Variants in GFOD2 observed in about 807,000 individuals in gnomAD.
GFOD2 encodes the protein Gfo/Idh/MocA-like oxidoreductase domain containing 2, also known as glucose-fructose oxidoreductase domain-containing protein 2.
A neutral mutation model predicts 24.6 loss-of-function variants in GFOD2; 9 were observed. The observed-to-expected ratio is 0.37, with a 90% CI of 0.22 to 0.64. The LOEUF is 0.64. Ranked by LOEUF, GFOD2 falls within the 30% of genes least tolerant of loss-of-function variation. The pLI is 0.65. For missense variants in GFOD2, 476 were observed against 532.5 expected, an observed-to-expected ratio of 0.89 and a Z score of 1.04; for synonymous variants, 211 against 224.8, an observed-to-expected ratio of 0.94 and a Z score of 0.55.
Position 67,675,889 on chromosome 16 carries a change from CAT to C in GFOD2, c.422_423del (p.Tyr141CysfsTer8), listed in dbSNP as rs762120591. ...VRMKQLISEHYVGAVMICDAR... is the reference protein window; with the variant it reads ...VRMKQLISEHXVGAVMICDAR... ...GCATCACAGATCATCACCGCTCCCA[CAT>C]AGTGTTCCGAAATCAGCTGTTTCAT... is the stretch of plus-strand genomic sequence containing the variant. On this transcript the variant is annotated frameshift_variant, in exon 3 of 3. Transcript: ENST00000268797. LOFTEE classifies it high-confidence loss of function. 11 of 1,614,078 alleles carry C rather than the reference CAT, an allele frequency of 6.8e-6. No individual in the cohort carries two copies. The highest frequency in any genetic ancestry group is 2.7e-5 in the African/African-American group (2 of 74,950).
At chr16:67,691,460 G>A (rs997434716) in intron 1 of GFOD2, among the ~76,000 whole-genome samples, 12 of 151,202 alleles carry the variant, frequency 7.9e-5, no homozygotes, top group African/African-American at 2.4e-4. Context: ...TGCCCATCCT[G>A]GCCTCCCAAA....
At chr16:67,695,464 G>T (rs1476223209) in intron 1 of GFOD2, among the ~76,000 whole-genome samples, 1 of 151,602 alleles carries the variant, frequency 6.6e-6, no homozygotes, top group African/African-American at 2.4e-5. Context: ...TTATTTACAG[G>T]TTATGGCTGT....
At chr16:67,694,925 T>C (rs751681803) in intron 1 of GFOD2, among the ~76,000 whole-genome samples, 3 of 151,988 alleles carry the variant, frequency 2.0e-5, no homozygotes, top group Non-Finnish European at 4.4e-5. Flanking sequence ...TTCTTTCTGA[T>C]GGTAAACTGT....
At position 67,674,924 on chromosome 16, in the gene GFOD2, G is replaced by A. The variant is rs1186326278; in HGVS notation, c.*231C>T. ...ATCACCATGAGGAGGCCTGGCGGCA[G>A]CTCTGCCCTGTGCACACCGTGGTAA... On this transcript the variant is annotated 3_prime_UTR_variant, in exon 3 of 3. Transcript: ENST00000268797. The A allele has an allele frequency of 1.3e-5, 7 of 554,830 alleles. No individual in the cohort carries two copies. Among genetic ancestry groups the A allele is most frequent in the Non-Finnish European group, 2.2e-5 (7 of 312,934 alleles). The allele number at this position is 554,830 out of a possible 1,614,324, so 34.4% of individuals were successfully genotyped here.
At chr16:67,676,436 C>A in intron 2 of GFOD2, 1 of 218,956 alleles carries the variant, frequency 4.6e-6, no homozygotes, top group Non-Finnish European at 9.1e-6. Flanking sequence ...TCAAATAAAT[C>A]TCTGTCTTAA....
intron 1 of GFOD2, among the ~76,000 whole-genome samples, chr16:67,686,832 A>G (rs952069486): frequency 1.9e-4 from 29 of 150,672 alleles, no homozygotes; most frequent in African/African-American, 7.1e-4. Flanking sequence ...GTGAGACTCT[A>G]TCCAAAAAAG....
chr16:67,675,131 G>A lies in GFOD2; in HGVS notation c.*24C>T, dbSNP rs202206587. 1.5e-5 allele frequency: 24 copies of A among 1,592,268 alleles called. No homozygotes were observed. Among genetic ancestry groups the A allele is most frequent in the Non-Finnish European group, 2.0e-5 (23 of 1,167,428 alleles). On this transcript the variant is annotated 3_prime_UTR_variant, in exon 3 of 3. Transcript: ENST00000268797. ...TTCCCCTCCCTGGTCCCTCTGCCCT[G>A]TGGCAAGGAGCCCAGGTGCAGGCTC...
At chr16:67,705,681 G>A (rs1003166042) in intron 1 of GFOD2, among the ~76,000 whole-genome samples, 6 of 152,192 alleles carry the variant, frequency 3.9e-5, no homozygotes, top group African/African-American at 1.4e-4. Context: ...GCTCACACCT[G>A]TAATCCCAGC....
intron 1 of GFOD2, among the ~76,000 whole-genome samples, chr16:67,699,279 C>T (rs905085540): frequency 6.6e-6 from 1 of 151,998 alleles, no homozygotes; most frequent in Admixed American, 6.6e-5. Context: ...GAGGCAGAGG[C>T]TGCAGTGAGC....
chr16:67,693,285 GT>G (rs113766618), intron 1 of GFOD2, among the ~76,000 whole-genome samples: 1,557 of 142,898 alleles, frequency 0.011, 44 homozygotes, highest in Admixed American at 0.061. Flanking sequence ...GGCTTTTTGG[GT>G]TTTTTTTTTT....
At chr16:67,683,637 G>A (rs150826795) in intron 2 of GFOD2, 7 of 1,231,708 alleles carry the variant, frequency 5.7e-6, no homozygotes, top group South Asian at 8.2e-5. Context: ...ATTGACAACC[G>A]GACAGACTGA....
chr16:67,692,927 G>C (rs1390886549), intron 1 of GFOD2, among the ~76,000 whole-genome samples: 1 of 151,718 alleles, frequency 6.6e-6, no homozygotes, highest in Non-Finnish European at 1.5e-5. Flanking sequence ...CTACTCGGGA[G>C]GCTGAGGCGG....
rs1340251401 is a variant in GFOD2 at position 67,675,984 on chromosome 16, G to A, written c.329C>T (p.Ser110Leu). 21 of 1,614,060 alleles carry A rather than the reference G, an allele frequency of 1.3e-5. No individual in the cohort carries two copies. The highest frequency in any genetic ancestry group is 1.8e-5 in the Non-Finnish European group (21 of 1,180,044). Reference sequence around the variant, plus strand: ...GCTCATGAGCTGCGGGTAGTAGCGCGAGGCTGTCACCATCCGGAAGGCATC... The same window carrying A: ...GCTCATGAGCTGCGGGTAGTAGCGCAAGGCTGTCACCATCCGGAAGGCATC... ...SVDAFRMVTA[S>L]RYYPQLMSLV... Residue 110 changes from serine (S) to leucine (L), a missense_variant, in exon 3 of 3, where the codon TCG becomes TTG. Coordinates refer to ENST00000268797, the MANE Select transcript of GFOD2 (RefSeq NM_030819.4).
chr16:67,676,171 T>C (rs2053184037), intron 2 of GFOD2, 118 bp from the exon 3 acceptor site: 1 of 1,049,500 alleles, frequency 9.5e-7, no homozygotes, highest in African/African-American at 1.6e-5. Context: ...AATTTTTTTT[T>C]CTTTTTTGTA....
chr16:67,675,432 T>C lies in GFOD2; in HGVS notation c.881A>G (p.Gln294Arg), dbSNP rs745448409. 1.2e-5 allele frequency: 20 copies of C among 1,612,826 alleles called. No homozygotes were observed. Among genetic ancestry groups the C allele is most frequent in the Non-Finnish European group, 1.6e-5 (19 of 1,180,016 alleles). ...SLAVGAGLPE[Q>R]GPQDVPLLYL... ...CAGCAGCGGGACATCCTGGGGCCCC[T>C]GCTCAGGCAGTCCTGCGCCCACTGC... The change falls in exon 3 of 3, where the codon CAG becomes CGG. Residue 294 changes from glutamine (Q) to arginine (R), a missense_variant. Coordinates refer to ENST00000268797, the MANE Select transcript of GFOD2 (RefSeq NM_030819.4).
intron 1 of GFOD2, among the ~76,000 whole-genome samples, chr16:67,702,937 A>T (rs7184978): frequency 0.071 from 10,717 of 151,988 alleles, 556 homozygotes; most frequent in Middle Eastern, 0.19. Flanking sequence ...CACCCACCTC[A>T]CTGTGTGTGA....
At chr16:67,689,834 A>G (rs1439127927) in intron 1 of GFOD2, among the ~76,000 whole-genome samples, 1 of 152,064 alleles carries the variant, frequency 6.6e-6, no homozygotes, top group African/African-American at 2.4e-5. Flanking sequence ...ATAACTTCCC[A>G]TTCCCACTAC....
chr16:67,705,151 T>C (rs1417936681), intron 1 of GFOD2, among the ~76,000 whole-genome samples: 2 of 152,208 alleles, frequency 1.3e-5, no homozygotes, highest in Non-Finnish European at 2.9e-5. Context: ...TGGTATCCAT[T>C]ATTCATCCTA....
intron 1 of GFOD2, among the ~76,000 whole-genome samples, chr16:67,702,126 C>T (rs926537698): frequency 2.0e-5 from 3 of 152,096 alleles, no homozygotes; most frequent in Non-Finnish European, 2.9e-5. Context: ...TTTATGGTTG[C>T]TTTTGTACCA....
Sources: allele counts gnomAD v4.1 joint callset (sites outside exome capture counted in the v4.1 genomes callset), GRCh38; gene constraint gnomAD v4.1.1; transcripts MANE v1.5; gene names NCBI Gene and HGNC (gene_info 2026-07-23, HGNC 2026-07-21).